Variants in TSPAN14 observed in about 807,000 individuals in gnomAD.
The protein encoded by TSPAN14 is tetraspanin-14.
A neutral mutation model predicts 36.6 loss-of-function variants in TSPAN14; 16 were observed. The observed-to-expected ratio is 0.44, with a 90% CI of 0.30 to 0.66. TSPAN14 has a LOEUF of 0.66. Among genes scored for constraint, TSPAN14 ranks in the 30% least tolerant of loss-of-function variants. TSPAN14 has a pLI of 0.12. For missense variants in TSPAN14, 231 were observed against 355.1 expected, an observed-to-expected ratio of 0.65 and a Z score of 2.81; for synonymous variants, 139 against 143.8, an observed-to-expected ratio of 0.97 and a Z score of 0.24.
chr10:80,493,853 CTT>C (rs1213925424), intron 2 of TSPAN14, among the ~76,000 whole-genome samples: 4 of 152,166 alleles, frequency 2.6e-5, no homozygotes, highest in African/African-American at 9.7e-5. Flanking sequence ...GCATCTGGCT[CTT>C]TGTCTTTGTT....
At chr10:80,487,502 A>T (rs1447845698) in intron 1 of TSPAN14, among the ~76,000 whole-genome samples, 3 of 152,096 alleles carry the variant, frequency 2.0e-5, no homozygotes, top group African/African-American at 7.2e-5. Context: ...TTAGTTGAGG[A>T]TGCTGAGGTC....
In TSPAN14 at chr10:80,454,715, G is replaced by T. The variant is rs557914813; in HGVS notation, c.-18+344G>T. ...CGAGTGCGCGCCCGTGCCGGGCGGG[G>T]TGAGGGCGACGGGAGCCTGGACGGC... On this transcript the variant is annotated intron_variant, in intron 1 of 8. Transcript: ENST00000429989. Among the ~76,000 whole-genome samples the T allele has an allele frequency of 6.2e-3, 943 of 152,264 alleles. 11 individuals are homozygous for T. Among genetic ancestry groups the T allele is most frequent in the African/African-American group, 0.022 (899 of 41,572 alleles).
At chr10:80,500,202 C>T (rs1263244352) in intron 2 of TSPAN14, among the ~76,000 whole-genome samples, 1 of 151,900 alleles carries the variant, frequency 6.6e-6, no homozygotes, top group African/African-American at 2.4e-5. Context: ...CCCTGGGCCA[C>T]TGTTCATTGA....
At chr10:80,488,739 G>A (rs1439589796) in intron 1 of TSPAN14, among the ~76,000 whole-genome samples, 1 of 152,140 alleles carries the variant, frequency 6.6e-6, no homozygotes, top group Admixed American at 6.5e-5. Context: ...GCTCTTTGTG[G>A]TCAAGCCCGT....
intron 2 of TSPAN14, among the ~76,000 whole-genome samples, chr10:80,498,637 C>G (rs1848327644): frequency 1.3e-5 from 2 of 152,196 alleles, no homozygotes; most frequent in Non-Finnish European, 2.9e-5. Context: ...GAGAAGGAGA[C>G]TCTGTCTTCA....
At chr10:80,469,822 G>A (rs1436601918) in intron 1 of TSPAN14, among the ~76,000 whole-genome samples, 4 of 151,962 alleles carry the variant, frequency 2.6e-5, no homozygotes, top group African/African-American at 7.2e-5. Context: ...CAGGCCCTGG[G>A]GTGGGCTGGA....
chr10:80,499,270 G>T (rs559624619), intron 2 of TSPAN14, among the ~76,000 whole-genome samples: 1 of 152,274 alleles, frequency 6.6e-6, no homozygotes, highest in South Asian at 2.1e-4. Flanking sequence ...GTGGTAAGTG[G>T]ATTTCTTGTG....
intron 7 of TSPAN14, 116 bp downstream of exon 7, chr10:80,514,179 T>A: frequency 1.1e-6 from 1 of 929,132 alleles, no homozygotes. Context: ...GCAGTGAAGC[T>A]CTTGATGCCA....
At chr10:80,504,170 C>T (rs774089204) in intron 2 of TSPAN14, among the ~76,000 whole-genome samples, 51 of 152,220 alleles carry the variant, frequency 3.4e-4, no homozygotes, top group Non-Finnish European at 4.7e-4. Flanking sequence ...GGAGGAGGCT[C>T]AGCCCTGGCC....
rs572304014 is a variant in TSPAN14 at position 80,472,143 on chromosome 10, C to T, written c.-17-17074C>T. 7.9e-5 allele frequency among the ~76,000 whole-genome samples: 12 copies of T among 152,164 alleles called. No individual in the cohort carries two copies. In the South Asian group the frequency reaches 1.9e-3, roughly 24 times the overall value. The stretch of plus-strand genomic sequence containing the variant: ...ACAGAGTGAGGCCCTGTCTCAAAAA[C>T]GTAAAAGTGAAAATCTCCAATGGGG... On this transcript the variant is annotated intron_variant, in intron 1 of 8. Transcript: ENST00000429989.
At chr10:80,489,617 G>T (rs1236186365) in intron 2 of TSPAN14, among the ~76,000 whole-genome samples, 1 of 152,226 alleles carries the variant, frequency 6.6e-6, no homozygotes, top group African/African-American at 2.4e-5. Flanking sequence ...TCCTGGGAGT[G>T]CCCCAATGAG....
intron 1 of TSPAN14, chr10:80,485,542 C>T: frequency 1.4e-6 from 1 of 735,930 alleles, no homozygotes; most frequent in Non-Finnish European, 1.7e-6. Context: ...GGCCACCTTA[C>T]ACTGTGTAGG....
intron 1 of TSPAN14, among the ~76,000 whole-genome samples, chr10:80,470,807 C>T (rs1045156298): frequency 6.6e-6 from 1 of 152,208 alleles, no homozygotes; most frequent in Non-Finnish European, 1.5e-5. Flanking sequence ...CAAGGATGAC[C>T]ATGCTGGTTT....
At chr10:80,515,893 C>G (rs1168391697) in intron 7 of TSPAN14, 5 of 314,108 alleles carry the variant, frequency 1.6e-5, no homozygotes, top group Non-Finnish European at 3.0e-5. Context: ...GCCTTCAAGC[C>G]CCTTCTCTTT....
At chr10:80,515,245 G>C (rs1840875050) in intron 7 of TSPAN14, among the ~76,000 whole-genome samples, 1 of 152,172 alleles carries the variant, frequency 6.6e-6, no homozygotes, top group Non-Finnish European at 1.5e-5. Context: ...TTGGAGGCTA[G>C]AAGTCCAAGA....
intron 1 of TSPAN14, among the ~76,000 whole-genome samples, chr10:80,469,111 A>G (rs1471812925): frequency 1.4e-5 from 2 of 145,018 alleles, no homozygotes; most frequent in Non-Finnish European, 3.0e-5. Context: ...AAGCCCCCTT[A>G]GCCCAGAGCC....
At chr10:80,489,255 A>T in exon 2 of TSPAN14, 1 of 1,585,352 alleles carries the variant, frequency 6.3e-7, no homozygotes, top group South Asian at 1.1e-5. Context: ...TAGATACTCT[A>T]ACGCCAAGGT....
intron 2 of TSPAN14, among the ~76,000 whole-genome samples, chr10:80,501,521 T>C (rs1848525303): frequency 1.3e-5 from 2 of 152,090 alleles, no homozygotes; most frequent in Non-Finnish European, 2.9e-5. Flanking sequence ...AGAGGGGAGC[T>C]CCAGCAGTGG....
chr10:80,498,697 T>C (rs1468090181), intron 2 of TSPAN14, among the ~76,000 whole-genome samples: 2 of 152,166 alleles, frequency 1.3e-5, no homozygotes, highest in Admixed American at 1.3e-4. Context: ...ACATCTCTGC[T>C]CTGTCTGCCG....
Sources: gnomAD v4.1 joint callset for allele counts (sites outside exome capture counted in the v4.1 genomes callset) on GRCh38, gnomAD v4.1.1 for gene constraint, MANE v1.5 for transcripts, NCBI Gene and HGNC (gene_info 2026-07-23, HGNC 2026-07-21) for gene names.